Variants in ATP10B observed in about 807,000 individuals in gnomAD.
The protein encoded by ATP10B is phospholipid-transporting ATPase VB.
In ATP10B, 122 loss-of-function variants were observed where a neutral mutation model predicts 141.2. The ratio of observed to expected loss-of-function variants is 0.86; its 90% CI spans 0.75 to 1.00. The LOEUF is 1.00. Among genes scored for constraint, ATP10B ranks in the 50% least tolerant of loss-of-function variants. The pLI is 0.00. For synonymous variants in ATP10B, 685 were observed against 692.0 expected (o/e 0.99, Z 0.16); for missense variants, 1,876 against 1,825.3 (o/e 1.03, Z -0.51).
At chr5:160,820,184 A>C (rs1204916424) in intron 1 of ATP10B, among the ~76,000 whole-genome samples, 2 of 152,086 alleles carry the variant, frequency 1.3e-5, no homozygotes, top group Non-Finnish European at 2.9e-5. Flanking sequence ...TCAGAGATGA[A>C]AAAGTAGACC....
intron 13 of ATP10B, among the ~76,000 whole-genome samples, chr5:160,628,809 C>T (rs1758752045): frequency 6.6e-6 from 1 of 152,116 alleles, no homozygotes; most frequent in Non-Finnish European, 1.5e-5. Context: ...TTCCATCTGC[C>T]AGTACTATTA....
intron 7 of ATP10B, among the ~76,000 whole-genome samples, chr5:160,656,541 T>G: frequency 6.6e-6 from 1 of 152,222 alleles, no homozygotes. Flanking sequence ...CACACATGCA[T>G]GTACCACTAT....
intron 22 of ATP10B, among the ~76,000 whole-genome samples, chr5:160,595,242 C>G (rs1452577567): frequency 6.6e-6 from 1 of 151,812 alleles, no homozygotes; most frequent in Non-Finnish European, 1.5e-5. Context: ...GAATCTCACT[C>G]AAAACCACTC....
At chr5:160,825,094 A>G (rs1393427407) in intron 1 of ATP10B, among the ~76,000 whole-genome samples, 1 of 151,722 alleles carries the variant, frequency 6.6e-6, no homozygotes, top group Non-Finnish European at 1.5e-5. Context: ...TGTGATTATT[A>G]TCCTTTTTAT....
At chr5:160,676,645 T>C (rs1314900329) in intron 6 of ATP10B, among the ~76,000 whole-genome samples, 3 of 152,234 alleles carry the variant, frequency 2.0e-5, no homozygotes, top group African/African-American at 7.2e-5. Context: ...TGTATATTTT[T>C]CTTGAATACA....
intron 10 of ATP10B, among the ~76,000 whole-genome samples, chr5:160,638,291 C>T (rs763828340): frequency 6.6e-6 from 1 of 152,162 alleles, no homozygotes; most frequent in Non-Finnish European, 1.5e-5. Flanking sequence ...CAAGCAGATT[C>T]TGGTTTCCCT....
chr5:160,652,281 T>C (rs1185026978), intron 7 of ATP10B, among the ~76,000 whole-genome samples: 1 of 151,950 alleles, frequency 6.6e-6, no homozygotes, highest in Non-Finnish European at 1.5e-5. Context: ...AGAGGGGCTG[T>C]GGAGAGGGGC....
At chr5:160,831,797 A>G (rs1403844379) in intron 1 of ATP10B, among the ~76,000 whole-genome samples, 1 of 152,168 alleles carries the variant, frequency 6.6e-6, no homozygotes, top group Admixed American at 6.6e-5. Context: ...TTACAGTTCT[A>G]TAGGATGTCA....
At chr5:160,799,749 T>A (rs1772242506) in intron 1 of ATP10B, among the ~76,000 whole-genome samples, 1 of 152,196 alleles carries the variant, frequency 6.6e-6, no homozygotes, top group Admixed American at 6.5e-5. Context: ...GGGTAGAAGC[T>A]AGAAGGTTCT....
chr5:160,709,604 TTTAA>T (rs1765231090), intron 3 of ATP10B, among the ~76,000 whole-genome samples: 1 of 101,140 alleles, frequency 9.9e-6, no homozygotes, highest in African/African-American at 3.1e-5. Flanking sequence ...ATTTTTTTTT[TTTAA>T]TTTTTTTTTT....
In ATP10B at chr5:160,653,032, AT is replaced by A. The variant is rs1284725447; in HGVS notation, c.676-3777del. ...ATATATTTATATTATATATTTATAT[AT>A]TTATATTTATGTATATAATTATGTA... On this transcript the variant is annotated intron_variant, in intron 7 of 25. Transcript: ENST00000327245. Among the ~76,000 whole-genome samples the A allele has an allele frequency of 2.9e-3, 329 of 112,216 alleles. 2 individuals carry two copies. Among genetic ancestry groups the A allele is most frequent in the Non-Finnish European group, 4.6e-3 (273 of 59,466 alleles). The allele number at this position is 112,216 out of a possible 152,430, so 73.6% of individuals were successfully genotyped here. A position where few individuals can be genotyped will look rare whatever the true frequency, so the allele number is the denominator to read the frequency against.
chr5:160,797,120 A>G (rs1049620744), intron 1 of ATP10B, among the ~76,000 whole-genome samples: 7 of 151,992 alleles, frequency 4.6e-5, no homozygotes, highest in African/African-American at 1.7e-4. Context: ...GCCTGTGGAG[A>G]AACCAGGGCC....
chr5:160,631,490 T>C (rs1758938004), intron 13 of ATP10B, among the ~76,000 whole-genome samples: 1 of 152,252 alleles, frequency 6.6e-6, no homozygotes, highest in Non-Finnish European at 1.5e-5. Context: ...CGAAGGGAAT[T>C]AGTTAAGGGA....
intron 22 of ATP10B, among the ~76,000 whole-genome samples, chr5:160,596,005 C>A (rs1005637493): frequency 5.3e-5 from 8 of 151,958 alleles, no homozygotes; most frequent in Admixed American, 1.3e-4. Flanking sequence ...CTATTCCAAT[C>A]AATAGAAAAA....
chr5:160,739,840 ATTATT>A (rs1185980931), intron 2 of ATP10B, among the ~76,000 whole-genome samples: 1 of 152,110 alleles, frequency 6.6e-6, no homozygotes, highest in African/African-American at 2.4e-5. Context: ...ATTGTATTTT[ATTATT>A]TTATTTTTAG....
chr5:160,802,939 A>T (rs1772486499), intron 1 of ATP10B, among the ~76,000 whole-genome samples: 1 of 152,110 alleles, frequency 6.6e-6, no homozygotes, highest in Non-Finnish European at 1.5e-5. Flanking sequence ...AGGGGAGATA[A>T]TTGGGGGACA....
chr5:160,686,598 T>A (rs1763767519), intron 5 of ATP10B, among the ~76,000 whole-genome samples: 1 of 152,158 alleles, frequency 6.6e-6, no homozygotes, highest in Non-Finnish European at 1.5e-5. Context: ...CCTTTCCCCC[T>A]AAGTCCCCAA....
intron 1 of ATP10B, among the ~76,000 whole-genome samples, chr5:160,811,157 A>G (rs1773126101): frequency 6.6e-6 from 1 of 152,052 alleles, no homozygotes. Flanking sequence ...CCCTTGGGCC[A>G]TGAATAACCA....
intron 3 of ATP10B, among the ~76,000 whole-genome samples, chr5:160,706,444 G>A (rs532656375): frequency 5.9e-5 from 9 of 152,224 alleles, no homozygotes; most frequent in African/African-American, 1.4e-4. Flanking sequence ...ATGAAGAGAC[G>A]TTAAGTGGCT....
Sources: allele counts gnomAD v4.1 joint callset (sites outside exome capture counted in the v4.1 genomes callset), GRCh38; gene constraint gnomAD v4.1.1; transcripts MANE v1.5; gene names NCBI Gene and HGNC (gene_info 2026-07-23, HGNC 2026-07-21).